Variants in BTN3A1 observed in about 807,000 individuals in gnomAD.
The protein encoded by BTN3A1 is dJ45P21.3 (butyrophilin, subfamily 3, member A1).
Under a neutral mutation model 43.0 loss-of-function variants are expected in BTN3A1, and 24 were observed. That is an observed-to-expected ratio of 0.56 (90% CI 0.40 to 0.78). The LOEUF is 0.78. Among genes scored for constraint, BTN3A1 ranks in the 30% least tolerant of loss-of-function variants. The pLI, the probability that BTN3A1 is intolerant of heterozygous loss-of-function variation, is 0.00. For synonymous variants in BTN3A1, 181 were observed against 234.7 expected, an observed-to-expected ratio of 0.77 and a Z score of 2.09; for missense variants, 533 against 626.2, an observed-to-expected ratio of 0.85 and a Z score of 1.59.
At chr6:26,403,435 T>TTTACTGTA (rs1286354271) in intron 1 of BTN3A1, among the ~76,000 whole-genome samples, 1 of 152,190 alleles carries the variant, frequency 6.6e-6, no homozygotes, top group African/African-American at 2.4e-5. Context: ...TATTGTAGAT[T>TTTACTGTA]TTACTGTATT....
chr6:26,412,243 G>A, intron 9 of BTN3A1: 4 of 584,064 alleles, frequency 6.8e-6, no homozygotes, highest in Non-Finnish European at 1.3e-5. Flanking sequence ...GGACGGCTAG[G>A]GAGGGGAGGC....
chr6:26,406,045 G>C lies in BTN3A1; in HGVS notation c.222G>C (p.Gln74His), dbSNP rs771284361. Residue 74 changes from glutamine (Q) to histidine (H), a missense_variant, in exon 3 of 10, where the codon CAG becomes CAC. Gln to His is a conservative substitution (Grantham distance 24). Coordinates refer to ENST00000289361, the MANE Select transcript of BTN3A1 (RefSeq NM_007048.6). ...ELKWVSSSLRQVVNVYADGKE... is the reference protein window; with the variant it reads ...ELKWVSSSLRHVVNVYADGKE... ...AGTGGGTGAGTTCCAGCCTAAGGCA[G>C]GTGGTGAACGTGTATGCAGATGGAA... 1.6e-5 allele frequency: 25 copies of C among 1,609,986 alleles called. 1 individual carries two copies. In the South Asian group the frequency reaches 2.6e-4, roughly 17 times the overall value.
rs1761994778 is a variant in BTN3A1 at position 26,405,753 on chromosome 6, G to A, written c.85+105G>A. On this transcript the variant is annotated intron_variant, in intron 2 of 9. Transcript: ENST00000289361. ...AACCTGAAGTCCATCCCGATCTGAA[G>A]GTTCACCCGTCACTAAGAGACAAAT... The A allele has an allele frequency of 2.3e-5, 36 of 1,580,484 alleles. No individual in the cohort carries two copies. The East Asian group carries it at 8.1e-4, about 35-fold the overall frequency.
chr6:26,406,147 G>T lies in BTN3A1; in HGVS notation c.324G>T (p.Lys108Asn). ...SILRDGITAG[K>N]AALRIHNVTA... ...TGCGGGATGGCATCACTGCAGGGAA[G>T]GCTGCTCTCCGAATACACAACGTCA... Residue 108 changes from lysine (K) to asparagine (N), a missense_variant, in exon 3 of 10, where the codon AAG (lysine) becomes AAT (asparagine). Lys to Asn is a moderately conservative substitution (Grantham distance 94). This residue lies in a region of BTN3A1 where 51 missense variants were observed against 90.9 expected (regional missense o/e 0.56). Transcript: ENST00000289361. 6.5e-7 allele frequency: 1 copy of T among 1,535,682 alleles called. No homozygotes were observed. The highest frequency in any genetic ancestry group is 8.9e-7 in the Non-Finnish European group (1 of 1,124,646).
chr6:26,413,342 G>A lies in BTN3A1; in HGVS notation c.1192G>A (p.Glu398Lys), dbSNP rs1208743048. Reference protein sequence around the residue: ...ESFISGRHYWEVEVGDRKEWH... With the variant: ...ESFISGRHYWKVEVGDRKEWH... ...CTTCATATCAGGGAGACATTACTGG[G>A]AGGTGGAGGTAGGGGACAGGAAAGA... is the stretch of plus-strand genomic sequence containing the variant. The change falls in exon 10 of 10, where the codon GAG (glutamate) becomes AAG (lysine). Residue 398 changes from glutamate to lysine, a missense_variant. By Grantham distance (56) the Glu-to-Lys change is moderately conservative (BLOSUM62 1). Around this residue, in one of 4 missense-constraint regions of BTN3A1, gnomAD observed 415 missense variants for 427.0 expected, o/e 0.97. Coordinates refer to ENST00000289361, the MANE Select transcript of BTN3A1 (RefSeq NM_007048.6). 1.2e-6 allele frequency: 2 copies of A among 1,614,082 alleles called. No homozygotes were observed. The highest frequency in any genetic ancestry group is 2.7e-5 in the African/African-American group (2 of 74,926).
chr6:26,410,040 C>G lies in BTN3A1; in HGVS notation c.964+8C>G. 1 of 1,613,912 alleles carries G rather than the reference C, an allele frequency of 6.2e-7. No homozygotes were observed. The highest frequency in any genetic ancestry group is 1.6e-4 in the Middle Eastern group (1 of 6,062). On this transcript the variant is annotated splice_region_variant and intron_variant, in intron 7 of 9. Transcript: ENST00000289361. ...GTATCCAGTATGCATCTCGTAAGTG[C>G]CTCTGACATTTTCTCTGAATTTGAA...
chr6:26,404,337 A>G (rs1476964267), intron 1 of BTN3A1: 1 of 152,262 alleles, frequency 6.6e-6, no homozygotes, highest in Non-Finnish European at 1.5e-5. Flanking sequence ...CAATATTTTA[A>G]AAGTAAAGGG....
At chr6:26,406,898 ATTCTATGAGTGAGAACC>A (rs2113791154) in intron 3 of BTN3A1, among the ~76,000 whole-genome samples, 1 of 152,316 alleles carries the variant, frequency 6.6e-6, no homozygotes, top group South Asian at 2.1e-4. Flanking sequence ...GGGCAGGTTA[ATTCTATGAGTGAGAACC>A]TTAATCAATC....
Position 26,413,241 on chromosome 6 carries a change from G to C in BTN3A1, c.1091G>C (p.Arg364Pro). The C allele has an allele frequency of 6.2e-7, 1 of 1,614,178 alleles. No homozygotes were observed. The highest frequency in any genetic ancestry group is 8.5e-7 in the Non-Finnish European group (1 of 1,180,042). The change falls in exon 10 of 10, where the codon CGT becomes CCT. Residue 364 changes from arginine to proline, a missense_variant. Transcript: ENST00000289361. ...TCTGAGGACCAGAGGAGTGTGCAGC[G>C]TGCCAAGGAGCCCCAGGATCTGCCA... The part of the protein sequence containing the change: ...LVSEDQRSVQ[R>P]AKEPQDLPDN...
Position 26,405,597 on chromosome 6 carries a change from C to T in BTN3A1, c.34C>T (p.Leu12Phe), listed in dbSNP as rs540333878. 3.7e-6 allele frequency: 6 copies of T among 1,614,166 alleles called. No individual in the cohort carries two copies. Among genetic ancestry groups the T allele is most frequent in the Non-Finnish European group, 5.1e-6 (6 of 1,180,038 alleles). Residue 12 changes from leucine to phenylalanine, a missense_variant, in exon 2 of 10, where the codon CTC becomes TTC. Transcript: ENST00000289361. ...KMASFLAFLL[L>F]NFRVCLLLLQ... ...GGCAAGTTTCCTGGCCTTCCTTCTG[C>T]TCAACTTTCGTGTCTGCCTCCTTTT...
rs538351754 is a variant in BTN3A1 at position 26,415,096 on chromosome 6, A to G, written c.*1404A>G. 1 of 152,268 alleles carries G rather than the reference A, an allele frequency of 6.6e-6. No individual in the cohort carries two copies. The highest frequency in any genetic ancestry group is 2.1e-4 in the South Asian group (1 of 4,818). The allele number at this position is 152,268 out of a possible 1,614,324, so 9.4% of individuals were successfully genotyped here. On this transcript the variant is annotated 3_prime_UTR_variant, in exon 10 of 10. Transcript: ENST00000289361. Reference sequence around the variant, plus strand: ...ATATTCCTTTCAACTGCTGCCTGCTAGGGAAAAACTACTCCTCATTATCAT... The same window carrying G: ...ATATTCCTTTCAACTGCTGCCTGCTGGGGAAAAACTACTCCTCATTATCAT...
intron 1 of BTN3A1, among the ~76,000 whole-genome samples, chr6:26,402,642 G>C (rs1410109665): frequency 1.3e-5 from 2 of 152,216 alleles, no homozygotes; most frequent in Non-Finnish European, 2.9e-5. Flanking sequence ...CTAATTGCAT[G>C]TTCTTAAGAA....
chr6:26,403,078 T>G (rs925865412), intron 1 of BTN3A1, among the ~76,000 whole-genome samples: 1 of 152,202 alleles, frequency 6.6e-6, no homozygotes, highest in Non-Finnish European at 1.5e-5. Context: ...TTTTTTTGTT[T>G]GTTTTGAGAT....
In BTN3A1 at chr6:26,413,527, A is replaced by C; in HGVS notation, c.1377A>C (p.Lys459Asn). ...TNLKLPKPPK[K>N]VGVFLDYETG... is the part of the protein sequence containing the mutation. ...TGAAACTTCCTAAGCCCCCTAAGAA[A>C]GTGGGGGTCTTCCTGGACTATGAGA... Residue 459 changes from lysine to asparagine, a missense_variant, in exon 10 of 10, where the codon AAA (lysine) becomes AAC (asparagine). By Grantham distance (94) the Lys-to-Asn change is moderately conservative (BLOSUM62 0). This residue lies in a region of BTN3A1 where 415 missense variants were observed against 427.0 expected (regional missense o/e 0.97). Transcript: ENST00000289361. 6.2e-7 allele frequency: 1 copy of C among 1,614,160 alleles called. No individual in the cohort carries two copies. Among genetic ancestry groups the C allele is most frequent in the Non-Finnish European group, 8.5e-7 (1 of 1,180,030 alleles).
chr6:26,407,857 C>G lies in BTN3A1; in HGVS notation c.620C>G (p.Ser207Cys). 1.2e-6 allele frequency: 2 copies of G among 1,614,230 alleles called. No homozygotes were observed. Among genetic ancestry groups the G allele is most frequent in the East Asian group, 4.5e-5 (2 of 44,890 alleles). The change falls in exon 4 of 10, where the codon TCT becomes TGT. Residue 207 changes from serine (S) to cysteine (C), a missense_variant. By Grantham distance (112) the Ser-to-Cys change is moderately radical (BLOSUM62 -1). Transcript: ENST00000289361. ...DGVGLYAVAA[S>C]VIMRGSSGEG... The stretch of plus-strand genomic sequence containing the variant: ...GTGGGCCTGTATGCAGTAGCAGCAT[C>G]TGTGATCATGAGAGGCAGCTCTGGG...
intron 4 of BTN3A1, 82 bp downstream of exon 4, chr6:26,408,034 A>C (rs746048084): frequency 1.9e-6 from 3 of 1,575,148 alleles, no homozygotes; most frequent in African/African-American, 2.7e-5. Flanking sequence ...TCTGCAGTCA[A>C]CCTGGGTCTC....
chr6:26,409,626 T>C lies in BTN3A1; in HGVS notation c.809T>C (p.Leu270Pro), dbSNP rs1410535621. The C allele has an allele frequency of 6.2e-7, 1 of 1,608,612 alleles. No homozygotes were observed. The highest frequency in any genetic ancestry group is 8.5e-7 in the Non-Finnish European group (1 of 1,178,548). Reference protein sequence around the residue: ...LLLLGGAGYFLWQQQEEKKTQ... With the variant: ...LLLLGGAGYFPWQQQEEKKTQ... ...CTTCTTGGGGGAGCCGGTTACTTCC[T>C]GTGGCAACAGCAGGAGGAAAAAAAG... Residue 270 changes from leucine to proline, a missense_variant, in exon 5 of 10, where the codon CTG becomes CCG. Physicochemically the swap from Leu to Pro is moderately conservative, Grantham distance 98. Coordinates refer to ENST00000289361, the MANE Select transcript of BTN3A1 (RefSeq NM_007048.6).
In BTN3A1 at chr6:26,413,038, A is replaced by T. The variant is rs903412126; in HGVS notation, c.1019-131A>T. 10 of 1,505,746 alleles carry T rather than the reference A, an allele frequency of 6.6e-6. No homozygotes were observed. The African/African-American group carries it at 1.4e-4, about 21-fold the overall frequency. 93.3% of individuals were successfully genotyped at this position (1,505,746 alleles called of 1,614,324 possible). A position where few individuals can be genotyped will look rare whatever the true frequency, so the allele number is the denominator to read the frequency against. On this transcript the variant is annotated intron_variant, in intron 9 of 9. Coordinates refer to ENST00000289361, the MANE Select transcript of BTN3A1 (RefSeq NM_007048.6). ...CTCCTGACATCGATGAGAGAGTCAC[A>T]TTTAGGGCAGACTAGGGACACCAGG... is the stretch of plus-strand genomic sequence containing the variant.
chr6:26,407,870 A>C lies in BTN3A1; in HGVS notation c.633A>C (p.Arg211Ser). The C allele has an allele frequency of 6.2e-7, 1 of 1,614,208 alleles. No individual in the cohort carries two copies. The highest frequency in any genetic ancestry group is 8.5e-7 in the Non-Finnish European group (1 of 1,180,038). Residue 211 changes from arginine to serine, a missense_variant, in exon 4 of 10, where the codon AGA becomes AGC. Transcript: ENST00000289361. ...LYAVAASVIM[R>S]GSSGEGVSCT... is the part of the protein sequence containing the mutation. ...CAGTAGCAGCATCTGTGATCATGAG[A>C]GGCAGCTCTGGGGAGGGTGTATCCT...
Sources: gnomAD v4.1 joint callset for allele counts (sites outside exome capture counted in the v4.1 genomes callset) on GRCh38, gnomAD v4.1.1 for gene constraint, gnomAD v4.1.1 regional missense constraint, MANE v1.5 for transcripts, NCBI Gene and HGNC (gene_info 2026-07-23, HGNC 2026-07-21) for gene names.